KLF8: variants seen among roughly 807,000 people sequenced by gnomAD.
KLF8 encodes the protein Krueppel-like factor 8.
In KLF8, 10 loss-of-function variants were observed where a neutral mutation model predicts 18.2. That is an observed-to-expected ratio of 0.55 (90% CI 0.34 to 0.93). KLF8 has a LOEUF of 0.93. Ranked by LOEUF, KLF8 falls within the 40% of genes least tolerant of loss-of-function variation. The pLI is 0.02. For missense variants in KLF8, 264 were observed against 277.9 expected, an observed-to-expected ratio of 0.95 and a Z score of 0.36; for synonymous variants, 109 against 97.3, an observed-to-expected ratio of 1.12 and a Z score of -0.71.
intron 3 of KLF8, chrX:56,267,209 G>T (rs1413586106): frequency 1.3e-6 from 1 of 750,503 alleles, no homozygotes; most frequent in Non-Finnish European, 1.6e-6. Flanking sequence ...CAAGCTAAGG[G>T]CATTGGCCCA....
chrX:56,049,889 T>C, the KLF8 span, among the ~76,000 whole-genome samples: 1 of 107,636 alleles, frequency 9.3e-6, no homozygotes, highest in Non-Finnish European at 1.9e-5. Flanking sequence ...TGTGAATCCA[T>C]CTGGTCCTGG....
At chrX:56,250,739 GGA>G (rs756356380) in intron 2 of KLF8, among the ~76,000 whole-genome samples, 29 of 107,696 alleles carry the variant, frequency 2.7e-4, no homozygotes, top group Admixed American at 8.0e-4. Context: ...ATATGTACAT[GGA>G]GAGAGAGAGA....
chrX:56,184,471 T>A, the KLF8 span, among the ~76,000 whole-genome samples: 5 of 112,524 alleles, frequency 4.4e-5, no homozygotes, highest in South Asian at 1.8e-3. Context: ...AAGACAGCAG[T>A]AACCTTGGCA....
At chrX:55,913,264 C>T in the KLF8 span, among the ~76,000 whole-genome samples, 2 of 111,568 alleles carry the variant, frequency 1.8e-5, no homozygotes, top group East Asian at 5.6e-4. Context: ...TTATTGTTCT[C>T]TCTGCCTCCA....
At chrX:56,143,611 C>A in the KLF8 span, among the ~76,000 whole-genome samples, 56 of 111,737 alleles carry the variant, frequency 5.0e-4, no homozygotes, top group Non-Finnish European at 8.8e-4. Context: ...CTTTCACATC[C>A]CTGAACTTAA....
chrX:56,227,158 C>G, the KLF8 span, among the ~76,000 whole-genome samples: 1 of 111,643 alleles, frequency 9.0e-6, no homozygotes, highest in African/African-American at 3.3e-5. Context: ...TACCACCCCT[C>G]TGTTGGGGAA....
the KLF8 span, among the ~76,000 whole-genome samples, chrX:56,016,354 G>A: frequency 3.6e-5 from 4 of 112,186 alleles, no homozygotes; most frequent in Non-Finnish European, 7.5e-5. Flanking sequence ...CCTAGAAGCT[G>A]TCATAGTAGT....
At chrX:56,184,630 G>A in the KLF8 span, among the ~76,000 whole-genome samples, 1,036 of 111,813 alleles carry the variant, frequency 9.3e-3, 17 homozygotes, top group African/African-American at 0.032. Flanking sequence ...CCCCCGAGTA[G>A]CGGCAGACTG....
chrX:55,997,279 G>A, the KLF8 span, among the ~76,000 whole-genome samples: 1 of 111,935 alleles, frequency 8.9e-6, no homozygotes, highest in Non-Finnish European at 1.9e-5. Context: ...ATTAGCCAGT[G>A]CGGATGGGCA....
the KLF8 span, among the ~76,000 whole-genome samples, chrX:56,108,537 G>A: frequency 8.9e-6 from 1 of 112,025 alleles, no homozygotes; most frequent in South Asian, 3.7e-4. Context: ...TGGTAGTAAT[G>A]TCTCTACTTT....
At chrX:56,254,238 C>A (rs1259177811) in intron 2 of KLF8, among the ~76,000 whole-genome samples, 1 of 111,965 alleles carries the variant, frequency 8.9e-6, no homozygotes, top group Non-Finnish European at 1.9e-5. Context: ...TGGTGCTGGA[C>A]CTAGCTGGCG....
At chrX:56,122,779 G>A in the KLF8 span, among the ~76,000 whole-genome samples, 1 of 110,056 alleles carries the variant, frequency 9.1e-6, no homozygotes, top group Admixed American at 9.8e-5. Context: ...AATAGAAACG[G>A]GGTTTCACTA....
the KLF8 span, among the ~76,000 whole-genome samples, chrX:56,113,556 T>G: frequency 3.0e-5 from 2 of 66,786 alleles, no homozygotes; most frequent in South Asian, 8.1e-4. Context: ...CAGGGATAGT[T>G]TTTTTTTTTT....
the KLF8 span, among the ~76,000 whole-genome samples, chrX:55,988,072 T>A: frequency 0.52 from 57,465 of 110,111 alleles, 13,545 homozygotes; most frequent in East Asian, 0.75. Context: ...TGTAAATTTG[T>A]TTGAGTTCAT....
the KLF8 span, among the ~76,000 whole-genome samples, chrX:56,104,495 A>G: frequency 9.0e-6 from 1 of 111,532 alleles, no homozygotes; most frequent in Non-Finnish European, 1.9e-5. Context: ...TTTCTAGTTT[A>G]TTTGCATAGA....
At chrX:56,023,385 A>T in the KLF8 span, among the ~76,000 whole-genome samples, 1 of 112,084 alleles carries the variant, frequency 8.9e-6, no homozygotes, top group Non-Finnish European at 1.9e-5. Context: ...ATGGATTTTT[A>T]AAAACTGTGA....
the KLF8 span, among the ~76,000 whole-genome samples, chrX:56,150,450 C>T: frequency 8.9e-6 from 1 of 111,836 alleles, no homozygotes; most frequent in Non-Finnish European, 1.9e-5. Flanking sequence ...TATCTGAAGG[C>T]AAAGAAGCTT....
chrX:56,112,137 G>A, the KLF8 span, among the ~76,000 whole-genome samples: 1 of 112,076 alleles, frequency 8.9e-6, no homozygotes, highest in East Asian at 2.8e-4. Context: ...ATACACCATG[G>A]AATACTATGC....
At chrX:56,068,852 C>T in the KLF8 span, among the ~76,000 whole-genome samples, 2 of 112,120 alleles carry the variant, frequency 1.8e-5, no homozygotes, top group Non-Finnish European at 3.8e-5. Context: ...CCTGCCCCCA[C>T]CACTGATAGC....
Sources: allele counts gnomAD v4.1 joint callset (sites outside exome capture counted in the v4.1 genomes callset), GRCh38; gene constraint gnomAD v4.1.1; transcripts MANE v1.5; gene names NCBI Gene and HGNC (gene_info 2026-07-23, HGNC 2026-07-21).